The following SUMF1 variants were observed in gnomAD, a reference collection of about 807,000 sequenced individuals.
SUMF1 encodes formylglycine-generating enzyme.
In SUMF1, 48 loss-of-function variants were observed where a neutral mutation model predicts 47.6. The observed-to-expected ratio is 1.01, with a 90% CI of 0.80 to 1.28. The LOEUF (loss-of-function observed/expected upper bound fraction) is 1.28. Among genes scored for constraint, SUMF1 ranks in the 50% most tolerant of loss-of-function variants. The pLI, the probability that SUMF1 is intolerant of heterozygous loss-of-function variation, is 0.00. For synonymous variants in SUMF1, 230 were observed against 192.1 expected (o/e 1.20, Z -1.63); for missense variants, 571 against 485.4 (o/e 1.18, Z -1.66).
chr3:4,161,948 C>A (rs146706409), intron 8 of SUMF1, among the ~76,000 whole-genome samples: 1 of 152,028 alleles, frequency 6.6e-6, no homozygotes, highest in East Asian at 1.9e-4. Context: ...GAGTTTCACC[C>A]AAGGCCCACA....
At chr3:4,173,410 G>C (rs1694876758) in intron 8 of SUMF1, among the ~76,000 whole-genome samples, 1 of 152,154 alleles carries the variant, frequency 6.6e-6, no homozygotes, top group East Asian at 1.9e-4. Flanking sequence ...AGAGAAATAG[G>C]AACACTTTTA....
At chr3:4,094,839 GA>G (rs1384865803) in intron 8 of SUMF1, among the ~76,000 whole-genome samples, 3 of 152,074 alleles carry the variant, frequency 2.0e-5, no homozygotes, top group African/African-American at 7.3e-5. Context: ...AAAGAGAAAA[GA>G]GAACTATGTT....
At chr3:4,240,326 A>G (rs1696508673) in intron 8 of SUMF1, among the ~76,000 whole-genome samples, 3 of 152,282 alleles carry the variant, frequency 2.0e-5, no homozygotes, top group African/African-American at 7.2e-5. Context: ...ATTGTTTGGA[A>G]TAGTTTCAGA....
At chr3:4,417,745 T>C (rs1464017771) in intron 5 of SUMF1, among the ~76,000 whole-genome samples, 1 of 152,146 alleles carries the variant, frequency 6.6e-6, no homozygotes, top group South Asian at 2.1e-4. Flanking sequence ...TTCTAAGCAG[T>C]GATATGTAAC....
rs556152307 is a variant in SUMF1, at chr3:4,235,033, G to T, written c.1014+141297C>A. On this transcript the variant is annotated intron_variant and NMD_transcript_variant, in intron 8 of 12. Transcript: ENST00000448413. ...AAAAGATCACTCCGGCTGCAGTTGG[G>T]TGAATAAATTTGAAGACAGTAACAC... Among the ~76,000 whole-genome samples, 133 of 152,262 alleles carry T rather than the reference G, an allele frequency of 8.7e-4. 1 individual carries two copies. The highest frequency in any genetic ancestry group is 5.2e-3 in the Admixed American group (80 of 15,280).
intron 8 of SUMF1, among the ~76,000 whole-genome samples, chr3:4,297,957 A>G (rs1697887263): frequency 6.6e-6 from 1 of 152,234 alleles, no homozygotes; most frequent in Non-Finnish European, 1.5e-5. Flanking sequence ...ATAAATGTAA[A>G]GCTCAAATAG....
At position 4,211,121 on chromosome 3, in the gene SUMF1, TAC is replaced by T. The variant is rs1553609385; in HGVS notation, c.1015-142378_1015-142377del. On this transcript the variant is annotated intron_variant and NMD_transcript_variant, in intron 8 of 12. Coordinates refer to the SUMF1 transcript ENST00000448413. ...AAACTCCCATATATATATATATATA[TAC>T]ACACACACACACATATATACATATA... Among the ~76,000 whole-genome samples, 75 of 128,128 alleles carry T rather than the reference TAC, an allele frequency of 5.9e-4. 1 individual carries two copies. The highest frequency in any genetic ancestry group is 1.6e-3 in the South Asian group (6 of 3,864). The allele number at this position is 128,128 out of a possible 152,430, so 84.1% of individuals were successfully genotyped here.
intron 8 of SUMF1, among the ~76,000 whole-genome samples, chr3:4,251,634 G>A (rs895012596): frequency 2.0e-5 from 3 of 152,140 alleles, no homozygotes; most frequent in African/African-American, 7.2e-5. Flanking sequence ...CCTCCATCCT[G>A]GTGAATATTC....
intron 8 of SUMF1, among the ~76,000 whole-genome samples, chr3:4,202,745 C>T (rs1239865801): frequency 6.6e-6 from 1 of 151,738 alleles, no homozygotes; most frequent in Non-Finnish European, 1.5e-5. Flanking sequence ...TGAACTTTTA[C>T]TGTAACCCAT....
intron 8 of SUMF1, among the ~76,000 whole-genome samples, chr3:4,225,053 G>T (rs1355086073): frequency 6.6e-6 from 1 of 152,100 alleles, no homozygotes; most frequent in African/African-American, 2.4e-5. Flanking sequence ...CTGTGCACAA[G>T]AAGTGGCCAT....
At chr3:4,310,281 C>CT (rs773532960) in intron 8 of SUMF1, among the ~76,000 whole-genome samples, 16 of 152,094 alleles carry the variant, frequency 1.1e-4, no homozygotes, top group Non-Finnish European at 1.9e-4. Context: ...TAATAAATAG[C>CT]TTTTCAATAT....
intron 8 of SUMF1, among the ~76,000 whole-genome samples, chr3:4,120,495 C>A (rs1693515172): frequency 6.6e-6 from 1 of 152,080 alleles, no homozygotes; most frequent in African/African-American, 2.4e-5. Flanking sequence ...ACAACTCTGA[C>A]CTAAAATACC....
intron 8 of SUMF1, among the ~76,000 whole-genome samples, chr3:4,220,538 TTC>T (rs1696038677): frequency 6.6e-6 from 1 of 152,052 alleles, no homozygotes; most frequent in Admixed American, 6.6e-5. Context: ...ACTTCCTCTC[TTC>T]TCTCTCTTTC....
At chr3:4,427,745 A>G (rs17040675) in intron 3 of SUMF1, among the ~76,000 whole-genome samples, 7,664 of 152,242 alleles carry the variant, frequency 0.05, 597 homozygotes, top group East Asian at 0.31. Context: ...CAAGGCACAC[A>G]ATCAGTAATC....
intron 1 of SUMF1, among the ~76,000 whole-genome samples, chr3:4,466,631 G>A (rs1324372856): frequency 6.6e-6 from 1 of 152,100 alleles, no homozygotes; most frequent in East Asian, 1.9e-4. Flanking sequence ...CTGAGACCCA[G>A]GATCCTAATT....
In SUMF1 at chr3:4,262,501, G is replaced by C. The variant is rs150932046; in HGVS notation, c.1014+113829C>G. On this transcript the variant is annotated intron_variant and NMD_transcript_variant, in intron 8 of 12. Transcript: ENST00000448413. ...TCCATGACTAAGGTGCCAAATTCTG[G>C]CATGGCTGGTGCACAAGCAAGATCA... Among the ~76,000 whole-genome samples the C allele has an allele frequency of 1.8e-3, 281 of 152,196 alleles. 2 individuals are homozygous for C. The highest frequency in any genetic ancestry group is 6.4e-3 in the African/African-American group (267 of 41,540).
intron 8 of SUMF1, among the ~76,000 whole-genome samples, chr3:4,348,460 A>G (rs1699418229): frequency 6.6e-6 from 1 of 152,216 alleles, no homozygotes; most frequent in African/African-American, 2.4e-5. Context: ...GGTGTTGGGA[A>G]AACTGGCTAG....
chr3:4,408,730 G>T (rs375028266), intron 7 of SUMF1, among the ~76,000 whole-genome samples: 4 of 152,272 alleles, frequency 2.6e-5, no homozygotes, highest in Non-Finnish European at 2.9e-5. Context: ...CAGAACTTTG[G>T]GGGGACAAGG....
At chr3:4,179,012 C>G (rs1695033671) in intron 8 of SUMF1, among the ~76,000 whole-genome samples, 1 of 152,102 alleles carries the variant, frequency 6.6e-6, no homozygotes, top group South Asian at 2.1e-4. Context: ...TCAAGGAGAA[C>G]TACAAACTAC....
Sources: allele counts gnomAD v4.1 joint callset (sites outside exome capture counted in the v4.1 genomes callset), GRCh38; gene constraint gnomAD v4.1.1; transcripts MANE v1.5; gene names NCBI Gene and HGNC (gene_info 2026-07-23, HGNC 2026-07-21).